The following PTBP3 variants were observed in gnomAD, a reference collection of about 807,000 sequenced individuals.
PTBP3 encodes polypyrimidine tract binding protein 3.
In PTBP3, 20 loss-of-function variants were observed where a neutral mutation model predicts 58.7. That is an observed-to-expected ratio of 0.34 (90% CI 0.24 to 0.50). The LOEUF (loss-of-function observed/expected upper bound fraction) is 0.50, where lower values mean the gene tolerates loss of function less well. Ranked by LOEUF, PTBP3 falls within the 20% of genes least tolerant of loss-of-function variation. The pLI is 0.98. For missense variants in PTBP3, 509 were observed against 637.2 expected, an observed-to-expected ratio of 0.80 and a Z score of 2.17; for synonymous variants, 185 against 219.8, an observed-to-expected ratio of 0.84 and a Z score of 1.40.
At chr9:112,315,259 T>G (rs923973540) in intron 1 of PTBP3, among the ~76,000 whole-genome samples, 5 of 150,372 alleles carry the variant, frequency 3.3e-5, no homozygotes, top group Non-Finnish European at 5.9e-5. Context: ...GGGACCGAAA[T>G]GATACAAAAC....
intron 1 of PTBP3, among the ~76,000 whole-genome samples, chr9:112,305,850 G>C (rs1048176749): frequency 6.6e-6 from 1 of 152,176 alleles, no homozygotes; most frequent in African/African-American, 2.4e-5. Flanking sequence ...TGAGGCAGGA[G>C]AATGGCATGA....
chr9:112,308,183 G>A (rs1829311747), intron 1 of PTBP3, among the ~76,000 whole-genome samples: 1 of 151,940 alleles, frequency 6.6e-6, no homozygotes, highest in African/African-American at 2.4e-5. Flanking sequence ...GCACCACCAT[G>A]CCCAGCTAAT....
intron 3 of PTBP3, among the ~76,000 whole-genome samples, chr9:112,270,280 A>AATGGTGTGTAAC (rs1827320231): frequency 5.9e-5 from 9 of 152,210 alleles, no homozygotes; most frequent in Non-Finnish European, 1.0e-4. Context: ...CACCCATGTT[A>AATGGTGTGTAAC]CATTTTGAAA....
the PTBP3 span, among the ~76,000 whole-genome samples, chr9:112,359,953 C>A: frequency 6.6e-6 from 1 of 152,002 alleles, no homozygotes; most frequent in African/African-American, 2.4e-5. Context: ...CAAATGTTAA[C>A]ATGATTATCT....
chr9:112,290,738 A>ACACACACACT (rs1564438731), intron 2 of PTBP3, among the ~76,000 whole-genome samples: 56 of 148,556 alleles, frequency 3.8e-4, no homozygotes, highest in African/African-American at 1.4e-3. Flanking sequence ...ACACACACAC[A>ACACACACACT]ATCAAGTGTT....
intron 10 of PTBP3, among the ~76,000 whole-genome samples, chr9:112,230,501 A>T (rs1303179311): frequency 6.6e-6 from 1 of 152,204 alleles, no homozygotes; most frequent in Non-Finnish European, 1.5e-5. Context: ...AAACATGACA[A>T]AAATTGGTGG....
intron 9 of PTBP3, 131 bp downstream of exon 9, chr9:112,231,954 GAAGAGAAGAGAAGA>G (rs1564391198): frequency 4.7e-5 from 18 of 379,092 alleles, no homozygotes; most frequent in African/African-American, 4.3e-4. Context: ...GAAGAGAAGA[GAAGAGAAGAGAAGA>G]GAGAAGAGAA....
At chr9:112,335,042 T>C (rs1830543776), upstream of PTBP3, among the ~76,000 whole-genome samples, 1 of 152,232 alleles carries the variant, frequency 6.6e-6, no homozygotes, top group Admixed American at 6.5e-5. Context: ...AAGTAGCTGA[T>C]GCAGTCTTTC....
At chr9:112,365,211 A>G in the PTBP3 span, among the ~76,000 whole-genome samples, 24 of 151,954 alleles carry the variant, frequency 1.6e-4, no homozygotes, top group South Asian at 2.1e-4. Flanking sequence ...CATATGTCAC[A>G]TTTTCTTTAT....
At chr9:112,309,787 C>CAA (rs34895970) in intron 1 of PTBP3, among the ~76,000 whole-genome samples, 21 of 106,386 alleles carry the variant, frequency 2.0e-4, no homozygotes, top group African/African-American at 5.3e-4. Flanking sequence ...GACTCCGTCT[C>CAA]AAAAAAAAAA....
chr9:112,250,280 C>T (rs1200009291), intron 7 of PTBP3, among the ~76,000 whole-genome samples: 4 of 152,074 alleles, frequency 2.6e-5, no homozygotes, highest in Non-Finnish European at 4.4e-5. Context: ...AACTGTGAAA[C>T]CAAAAGTAGC....
chr9:112,265,294 G>A (rs1836753717), intron 4 of PTBP3, among the ~76,000 whole-genome samples: 1 of 152,068 alleles, frequency 6.6e-6, no homozygotes, highest in South Asian at 2.1e-4. Context: ...CCTGACCTCA[G>A]GAGTTCCAGA....
At chr9:112,333,330 C>T (rs1409701791) in intron 1 of PTBP3, 140 bp downstream of exon 1, 16 of 1,084,334 alleles carry the variant, frequency 1.5e-5, no homozygotes, top group Non-Finnish European at 1.7e-5. Flanking sequence ...CCGGAAGCCC[C>T]GCCGTCGGGC....
intron 3 of PTBP3, 74 bp downstream of exon 3, chr9:112,275,770 A>G: frequency 7.6e-7 from 1 of 1,324,230 alleles, no homozygotes; most frequent in Non-Finnish European, 1.0e-6. Context: ...AGAAAAGCTC[A>G]AGAAAATAAA....
At chr9:112,268,243 A>G (rs1827190512) in intron 3 of PTBP3, 48 bp from the exon 4 acceptor site, 3 of 1,565,448 alleles carry the variant, frequency 1.9e-6, no homozygotes, top group Non-Finnish European at 2.6e-6. Flanking sequence ...TTTTTGAAAG[A>G]CAGTTAAGAT....
At chr9:112,322,609 G>T (rs1466749142) in intron 1 of PTBP3, among the ~76,000 whole-genome samples, 5 of 152,186 alleles carry the variant, frequency 3.3e-5, no homozygotes, top group Non-Finnish European at 7.3e-5. Flanking sequence ...TTTTACCTCA[G>T]TTCCTATTCT....
chr9:112,265,023 T>G (rs563033858), intron 4 of PTBP3, among the ~76,000 whole-genome samples: 4 of 152,288 alleles, frequency 2.6e-5, no homozygotes, highest in East Asian at 1.9e-4. Flanking sequence ...ATCAGAGTAA[T>G]ATAATTAATG....
chr9:112,252,423 T>C (rs561778412), intron 6 of PTBP3: 4 of 446,282 alleles, frequency 9.0e-6, no homozygotes, highest in Non-Finnish European at 1.6e-5. Context: ...AATTCTAGAC[T>C]TTAAACATGA....
chr9:112,303,341 T>C (rs752550935), intron 1 of PTBP3, among the ~76,000 whole-genome samples: 12 of 152,214 alleles, frequency 7.9e-5, no homozygotes, highest in East Asian at 3.8e-4. Context: ...AAAATGTGTA[T>C]GGTTCCAGAA....
Sources: allele counts gnomAD v4.1 joint callset (sites outside exome capture counted in the v4.1 genomes callset), GRCh38; gene constraint gnomAD v4.1.1; transcripts MANE v1.5; gene names NCBI Gene and HGNC (gene_info 2026-07-23, HGNC 2026-07-21).